ACSF3: variants seen among roughly 807,000 people sequenced by gnomAD.
The protein encoded by ACSF3 is acyl-CoA synthetase family member 3, also known as malonate--CoA ligase ACSF3, mitochondrial.
ACSF3 carries 78 observed loss-of-function variants against 53.2 expected under a neutral mutation model. That is an observed-to-expected ratio of 1.47 (90% CI 1.22 to 1.77). The LOEUF is 1.77. ACSF3 is among the 40% of genes most tolerant of loss of function. The pLI is 0.00. For synonymous variants in ACSF3, 414 were observed against 333.1 expected (o/e 1.24, Z -2.65); for missense variants, 937 against 771.1 (o/e 1.22, Z -2.55).
At chr16:89,098,102 G>C (rs1567679644) in intron 1 of ACSF3, among the ~76,000 whole-genome samples, 1 of 152,154 alleles carries the variant, frequency 6.6e-6, no homozygotes. Context: ...CCCCAGGCTA[G>C]TGGGGAAACC....
intron 6 of ACSF3, among the ~76,000 whole-genome samples, chr16:89,118,459 A>AC (rs950744654): frequency 2.0e-5 from 3 of 152,074 alleles, no homozygotes; most frequent in African/African-American, 7.2e-5. Flanking sequence ...TCAGGCTCTA[A>AC]CCCCCACCCT....
At chr16:89,125,755 T>G (rs1193996764) in intron 7 of ACSF3, among the ~76,000 whole-genome samples, 3 of 151,430 alleles carry the variant, frequency 2.0e-5, no homozygotes, top group Non-Finnish European at 4.4e-5. Context: ...ATCGGGGAGA[T>G]CACTTGGGGG....
At chr16:89,151,961 G>C (rs910757520) in intron 10 of ACSF3, 4 of 152,188 alleles carry the variant, frequency 2.6e-5, no homozygotes, top group Non-Finnish European at 4.4e-5. Flanking sequence ...TACAGAAAAA[G>C]CATTTGCAAA....
At chr16:89,122,836 C>T (rs1906985888) in intron 7 of ACSF3, 1 of 152,324 alleles carries the variant, frequency 6.6e-6, no homozygotes, top group South Asian at 2.1e-4. Flanking sequence ...TGCTTCACAC[C>T]TGCATTGGCT....
intron 4 of ACSF3, among the ~76,000 whole-genome samples, chr16:89,104,535 A>G (rs1975739734): frequency 6.6e-6 from 1 of 152,238 alleles, no homozygotes; most frequent in East Asian, 1.9e-4. Flanking sequence ...CCGGGAGCTC[A>G]GGACCCAAAC....
intron 9 of ACSF3, 24 bp from the exon 10 acceptor site, chr16:89,145,914 C>A: frequency 6.2e-7 from 1 of 1,602,648 alleles, no homozygotes; most frequent in Non-Finnish European, 8.6e-7. Context: ...TCCCCATGTT[C>A]TCAAACTGTT....
At chr16:89,137,546 G>C (rs1910851054) in intron 8 of ACSF3, among the ~76,000 whole-genome samples, 1 of 139,702 alleles carries the variant, frequency 7.2e-6, no homozygotes, top group Non-Finnish European at 1.6e-5. Context: ...AAAGATTGAG[G>C]GGAAGAGCCC....
chr16:89,136,021 C>T (rs565379049), intron 8 of ACSF3, among the ~76,000 whole-genome samples: 98 of 152,384 alleles, frequency 6.4e-4, no homozygotes, highest in Non-Finnish European at 8.8e-4. Context: ...GTGATCCGCC[C>T]GCCTCGGCCT....
rs1417641170 is a variant in ACSF3 at position 89,155,804 on chromosome 16, G to A, written c.*1597G>A. 6.6e-6 allele frequency: 3 copies of A among 453,504 alleles called. No homozygotes were observed. The highest frequency in any genetic ancestry group is 4.7e-5 in the South Asian group (3 of 64,382). The allele number at this position is 453,504 out of a possible 1,614,324, so 28.1% of individuals were successfully genotyped here. A position where few individuals can be genotyped will look rare whatever the true frequency, so the allele number is the denominator to read the frequency against. ...TCTCTCCTTTAATCCTGAAACTTTT[G>A]ATTCCTAAAAAGCTTACATAATCAT... On this transcript the variant is annotated 3_prime_UTR_variant, in exon 11 of 11. Coordinates refer to ENST00000614302, the MANE Select transcript of ACSF3 (RefSeq NM_001243279.3).
At chr16:89,133,436 C>T (rs756613483) in intron 8 of ACSF3, among the ~76,000 whole-genome samples, 174 bp downstream of exon 8, 4 of 152,162 alleles carry the variant, frequency 2.6e-5, no homozygotes, top group Non-Finnish European at 4.4e-5. Flanking sequence ...CCTGAGCACC[C>T]GGCCTCCCCA....
rs1239148333 is a variant in ACSF3, at chr16:89,154,266, G to A, written c.*59G>A. On this transcript the variant is annotated 3_prime_UTR_variant, in exon 11 of 11. Transcript: ENST00000614302. ...GCAGCAGACGTCCCCTTCACACCGAGAACCACGGGGGCCCGTCCAAGACCT... is the reference window on the plus strand; with the variant it reads ...GCAGCAGACGTCCCCTTCACACCGAAAACCACGGGGGCCCGTCCAAGACCT... 1.3e-6 allele frequency: 2 copies of A among 1,525,278 alleles called. No individual in the cohort carries two copies. The highest frequency in any genetic ancestry group is 1.8e-6 in the Non-Finnish European group (2 of 1,109,406). The allele number at this position is 1,525,278 out of a possible 1,614,324, so 94.5% of individuals were successfully genotyped here.
At chr16:89,153,682 TC>T (rs1455879169) in intron 10 of ACSF3, 5 of 295,770 alleles carry the variant, frequency 1.7e-5, no homozygotes, top group East Asian at 8.8e-5. Flanking sequence ...CCCAGCCTCT[TC>T]CGCACGCCTC....
At chr16:89,114,169 T>G in intron 5 of ACSF3, 170 bp from the exon 6 acceptor site, 1 of 817,096 alleles carries the variant, frequency 1.2e-6, no homozygotes. Context: ...GCAGCGTTGG[T>G]CCCGGGTGTC....
intron 5 of ACSF3, 182 bp from the exon 6 acceptor site, chr16:89,114,157 C>G: frequency 2.7e-6 from 2 of 751,356 alleles, no homozygotes; most frequent in Non-Finnish European, 4.6e-6. Flanking sequence ...GTAGCGCAGA[C>G]TGCAGCGTTG....
intron 10 of ACSF3, chr16:89,151,013 G>A (rs1389695929): frequency 7.8e-7 from 1 of 1,288,620 alleles, no homozygotes; most frequent in South Asian, 1.2e-5. Flanking sequence ...CAAACCAAAG[G>A]TCATGAGTTT....
At chr16:89,107,767 A>C (rs765361064) in intron 4 of ACSF3, among the ~76,000 whole-genome samples, 2 of 152,160 alleles carry the variant, frequency 1.3e-5, no homozygotes, top group Non-Finnish European at 2.9e-5. Flanking sequence ...GTTTCATTTC[A>C]GTGGAAACTG....
At chr16:89,124,788 ATG>A (rs1178237070) in intron 7 of ACSF3, among the ~76,000 whole-genome samples, 2 of 15,002 alleles carry the variant, frequency 1.3e-4, no homozygotes, top group Non-Finnish European at 2.4e-4. Context: ...CGCACACTGC[ATG>A]TGTGTGTGAT....
intron 3 of ACSF3, 32 bp from the exon 4 acceptor site, chr16:89,102,572 C>G: frequency 1.2e-6 from 2 of 1,612,314 alleles, no homozygotes; most frequent in Non-Finnish European, 1.7e-6. Flanking sequence ...CAGTCTTGCT[C>G]TTGCTCTCAG....
In ACSF3 at chr16:89,155,355, G is replaced by A. The variant is rs369327572; in HGVS notation, c.*1148G>A. The A allele has an allele frequency of 4.4e-4, 198 of 451,432 alleles. 1 individual carries two copies. The East Asian group carries it at 6.6e-3, about 15-fold the overall frequency. The allele number at this position is 451,432 out of a possible 1,614,324, so 28.0% of individuals were successfully genotyped here. On this transcript the variant is annotated 3_prime_UTR_variant, in exon 11 of 11. Transcript: ENST00000614302. ...GAGGCCAGCCCCATCTCAGGCTCAC[G>A]TGCCTCTGACAGGAGACCAGCCCCA...
Sources: allele counts gnomAD v4.1 joint callset (sites outside exome capture counted in the v4.1 genomes callset), GRCh38; gene constraint gnomAD v4.1.1; transcripts MANE v1.5; gene names NCBI Gene and HGNC (gene_info 2026-07-23, HGNC 2026-07-21).